The following SOX6 variants were observed in gnomAD, a reference collection of about 807,000 sequenced individuals.
The protein encoded by SOX6 is transcription factor SOX-6.
A neutral mutation model predicts 97.8 loss-of-function variants in SOX6; 11 were observed. That is an observed-to-expected ratio of 0.11 (90% confidence interval 0.07 to 0.19). The LOEUF is 0.19. Among genes scored for constraint, SOX6 ranks in the 10% least tolerant of loss-of-function variants. SOX6 has a pLI of 1.00. For missense variants in SOX6, 810 were observed against 1,039.5 expected, an observed-to-expected ratio of 0.78 and a Z score of 3.04; for synonymous variants, 360 against 371.4, an observed-to-expected ratio of 0.97 and a Z score of 0.35.
At chr11:16,657,738 A>T (rs1169136109) in intron 3 of SOX6, among the ~76,000 whole-genome samples, 1 of 152,196 alleles carries the variant, frequency 6.6e-6, no homozygotes, top group African/African-American at 2.4e-5. Flanking sequence ...GTGACATATG[A>T]TGTTGAGCAT....
intron 12 of SOX6, among the ~76,000 whole-genome samples, chr11:16,042,087 T>C (rs1468344252): frequency 6.6e-6 from 1 of 152,236 alleles, no homozygotes; most frequent in African/African-American, 2.4e-5. Flanking sequence ...TTCAAGAAAA[T>C]GGTAATTATC....
intron 4 of SOX6, among the ~76,000 whole-genome samples, chr11:16,574,760 A>T (rs1847967068): frequency 6.6e-6 from 1 of 152,096 alleles, no homozygotes; most frequent in Non-Finnish European, 1.5e-5. Context: ...AAAACTACAA[A>T]TCATTTTTTT....
At chr11:16,679,319 C>A (rs1008764022) in intron 3 of SOX6, among the ~76,000 whole-genome samples, 7 of 152,170 alleles carry the variant, frequency 4.6e-5, no homozygotes, top group African/African-American at 1.7e-4. Context: ...GATACCCAGG[C>A]AAACAGGGTC....
chr11:16,560,401 A>G (rs551716214), intron 4 of SOX6, among the ~76,000 whole-genome samples: 3 of 150,456 alleles, frequency 2.0e-5, no homozygotes, highest in East Asian at 3.9e-4. Flanking sequence ...ATAAATATGT[A>G]AATATATACA....
chr11:16,233,236 G>A (rs1422759354), intron 4 of SOX6, among the ~76,000 whole-genome samples: 1 of 152,116 alleles, frequency 6.6e-6, no homozygotes, highest in Non-Finnish European at 1.5e-5. Flanking sequence ...CAAATTGTTA[G>A]TGCAAATCAC....
At chr11:16,080,229 G>T (rs1848443622) in intron 9 of SOX6, among the ~76,000 whole-genome samples, 1 of 137,832 alleles carries the variant, frequency 7.3e-6, no homozygotes. Context: ...ATTATTATTT[G>T]TCAATTATAA....
intron 1 of SOX6, among the ~76,000 whole-genome samples, chr11:16,429,360 A>G (rs1194262481): frequency 6.6e-6 from 1 of 152,202 alleles, no homozygotes; most frequent in Non-Finnish European, 1.5e-5. Context: ...GTTCTATTAT[A>G]AAGACACATG....
intron 4 of SOX6, among the ~76,000 whole-genome samples, chr11:16,537,852 G>A: frequency 6.6e-6 from 1 of 152,172 alleles, no homozygotes; most frequent in East Asian, 1.9e-4. Flanking sequence ...ACGTTTGATT[G>A]GTGTACCTGA....
At chr11:16,342,427 A>G (rs1379965064) in intron 1 of SOX6, among the ~76,000 whole-genome samples, 1 of 151,928 alleles carries the variant, frequency 6.6e-6, no homozygotes, top group Non-Finnish European at 1.5e-5. Flanking sequence ...ATTTCATACC[A>G]TTTTTTAAAA....
chr11:16,436,961 G>C (rs767659207), intron 1 of SOX6, among the ~76,000 whole-genome samples: 4 of 152,112 alleles, frequency 2.6e-5, no homozygotes, highest in Non-Finnish European at 5.9e-5. Flanking sequence ...GCACATTTAA[G>C]AATGTAAGGG....
intron 4 of SOX6, among the ~76,000 whole-genome samples, chr11:16,187,440 A>G (rs930001529): frequency 2.0e-5 from 3 of 152,188 alleles, no homozygotes; most frequent in Non-Finnish European, 2.9e-5. Context: ...TTGTACAAAG[A>G]TATGTCACTG....
At chr11:16,041,056 C>T (rs1748916321) in intron 12 of SOX6, among the ~76,000 whole-genome samples, 1 of 152,038 alleles carries the variant, frequency 6.6e-6, no homozygotes, top group South Asian at 2.1e-4. Context: ...AAGTTGTTGT[C>T]TTGAGAATAG....
intron 1 of SOX6, among the ~76,000 whole-genome samples, chr11:16,370,242 C>T (rs1212657529): frequency 1.3e-5 from 2 of 152,098 alleles, no homozygotes; most frequent in African/African-American, 4.8e-5. Context: ...TTATTAATAT[C>T]TGGGTTACCT....
At chr11:16,408,811 A>C (rs1287254707) in intron 1 of SOX6, 1 of 151,742 alleles carries the variant, frequency 6.6e-6, no homozygotes, top group East Asian at 1.9e-4. Context: ...CTAGCAGTTG[A>C]GACTACAGGC....
chr11:16,161,900 G>T (rs989528065), intron 6 of SOX6, among the ~76,000 whole-genome samples: 3 of 152,174 alleles, frequency 2.0e-5, no homozygotes, highest in Admixed American at 2.0e-4. Flanking sequence ...GATTCTGGTT[G>T]TTTATGGTCC....
intron 4 of SOX6, among the ~76,000 whole-genome samples, chr11:16,218,298 AGTTT>A (rs1313671891): frequency 6.6e-6 from 1 of 152,150 alleles, no homozygotes; most frequent in Non-Finnish European, 1.5e-5. Flanking sequence ...ATAACCTAGT[AGTTT>A]GTCTCATAAT....
At chr11:16,360,494 G>A (rs1477812766), upstream of SOX6, among the ~76,000 whole-genome samples, 4 of 152,066 alleles carry the variant, frequency 2.6e-5, no homozygotes, top group African/African-American at 9.7e-5. Context: ...CCTCCTATAT[G>A]TTTATGTTCC....
chr11:16,415,937 T>A (rs1041173249), intron 1 of SOX6, among the ~76,000 whole-genome samples: 1 of 152,180 alleles, frequency 6.6e-6, no homozygotes, highest in Non-Finnish European at 1.5e-5. Flanking sequence ...GATAGTCCTT[T>A]GATTTTAAAT....
At chr11:16,702,523 T>C (rs545445511) in intron 3 of SOX6, among the ~76,000 whole-genome samples, 2 of 152,126 alleles carry the variant, frequency 1.3e-5, no homozygotes, top group African/African-American at 2.4e-5. Flanking sequence ...CTATGTAAAT[T>C]GTTAAATTTA....
Sources: allele counts gnomAD v4.1 joint callset (sites outside exome capture counted in the v4.1 genomes callset), GRCh38; gene constraint gnomAD v4.1.1; transcripts MANE v1.5; gene names NCBI Gene and HGNC (gene_info 2026-07-23, HGNC 2026-07-21).